CACNA1E: variants seen among roughly 807,000 people sequenced by gnomAD.
CACNA1E encodes the protein calcium voltage-gated channel subunit alpha1 E.
CACNA1E carries 40 observed loss-of-function variants against 259.2 expected under a neutral mutation model. The observed-to-expected ratio is 0.15, with a 90% CI of 0.12 to 0.20. The LOEUF (loss-of-function observed/expected upper bound fraction) is 0.20. Ranked by LOEUF, CACNA1E falls within the 10% of genes least tolerant of loss-of-function variation. The pLI, the probability that CACNA1E is intolerant of heterozygous loss-of-function variation, is 1.00. For synonymous variants in CACNA1E, 1,104 were observed against 1,138.5 expected, an observed-to-expected ratio of 0.97 and a Z score of 0.61; for missense variants, 1,874 against 3,040.1, an observed-to-expected ratio of 0.62 and a Z score of 9.02.
intron 25 of CACNA1E, among the ~76,000 whole-genome samples, chr1:181,741,872 G>A (rs1021787462): frequency 1.3e-5 from 2 of 152,212 alleles, no homozygotes; most frequent in African/African-American, 2.4e-5. Flanking sequence ...GAACCCCCTC[G>A]TTCTGGGGTC....
intron 1 of CACNA1E, among the ~76,000 whole-genome samples, chr1:181,345,359 T>G (rs555707221): frequency 3.9e-5 from 6 of 152,220 alleles, no homozygotes; most frequent in Non-Finnish European, 8.8e-5. Context: ...CAGGAAACAC[T>G]GGCGGATGAA....
At chr1:181,575,504 A>G (rs934963618) in intron 3 of CACNA1E, among the ~76,000 whole-genome samples, 19 of 151,744 alleles carry the variant, frequency 1.3e-4, no homozygotes, top group African/African-American at 4.4e-4. Flanking sequence ...CTCTTCTATC[A>G]TCTTATTCTT....
intron 1 of CACNA1E, among the ~76,000 whole-genome samples, chr1:181,496,573 G>T (rs1664772724): frequency 6.6e-6 from 1 of 152,210 alleles, no homozygotes; most frequent in East Asian, 1.9e-4. Flanking sequence ...TGTGGAGGAA[G>T]CTTCTGAAAG....
chr1:181,758,976 C>A lies in CACNA1E; in HGVS notation c.4605+108C>A. ...TACTGCTATTCCAGAAATCACCCAC[C>A]TAGATGTGGGCTCGTTTTGACTGCT... On this transcript the variant is annotated intron_variant, in intron 32 of 47. Coordinates refer to ENST00000367573, the MANE Select transcript of CACNA1E (RefSeq NM_001205293.3). This position sits in a 1 kb window ranked among gnomAD's most constrained non-coding sequence, Gnocchi z 4.2. 1 of 675,956 alleles carries A rather than the reference C, an allele frequency of 1.5e-6. No individual in the cohort carries two copies. The highest frequency in any genetic ancestry group is 2.6e-6 in the Non-Finnish European group (1 of 378,380). 41.9% of individuals were successfully genotyped at this position (675,956 alleles called of 1,614,324 possible).
intron 1 of CACNA1E, among the ~76,000 whole-genome samples, chr1:181,488,555 C>T (rs1273259916): frequency 6.6e-6 from 1 of 152,140 alleles, no homozygotes. Flanking sequence ...ATGTGGAAAC[C>T]AGGCCATGAC....
rs12091267 is a variant in CACNA1E, at chr1:181,584,025, C to T, written c.951+3249C>T. ...CAAATGTTACTGTGGCTCGCTAACC[C>T]TCTTCACCTGGGCTGGAGGTGGCTG... On this transcript the variant is annotated intron_variant, in intron 6 of 47. Coordinates refer to ENST00000367573, the MANE Select transcript of CACNA1E (RefSeq NM_001205293.3). 9.9e-3 allele frequency among the ~76,000 whole-genome samples: 1,512 copies of T among 152,272 alleles called. 34 individuals are homozygous for T. Among genetic ancestry groups the T allele is most frequent in the African/African-American group, 0.035 (1,444 of 41,538 alleles).
chr1:181,762,105 C>T (rs1401227846), intron 32 of CACNA1E, among the ~76,000 whole-genome samples: 1 of 152,092 alleles, frequency 6.6e-6, no homozygotes, highest in African/African-American at 2.4e-5. Flanking sequence ...TTTTATAGGG[C>T]ACTTGACGCA....
At position 181,342,733 on chromosome 1, in the gene CACNA1E, G is replaced by A. The variant is rs1030181561; in HGVS notation, c.-15+24610G>A. 1.4e-4 allele frequency among the ~76,000 whole-genome samples: 21 copies of A among 152,188 alleles called. 1 individual carries two copies. The highest frequency in any genetic ancestry group is 7.9e-4 in the Admixed American group (12 of 15,280). ...TCAAAGAAGTGCTTACCTCGAAAGCGTGGATAGTGGTTGTCTTTGGCAGAG... is the reference window on the plus strand; with the variant it reads ...TCAAAGAAGTGCTTACCTCGAAAGCATGGATAGTGGTTGTCTTTGGCAGAG... On this transcript the variant is annotated intron_variant, in intron 1 of 11. Transcript: ENST00000524607.
chr1:181,637,693 A>C (rs1657366873), intron 6 of CACNA1E, among the ~76,000 whole-genome samples: 1 of 152,184 alleles, frequency 6.6e-6, no homozygotes, highest in African/African-American at 2.4e-5. Context: ...CAAATATTGT[A>C]GAAGTGAACA....
At chr1:181,348,151 C>G (rs1652755956) in intron 1 of CACNA1E, among the ~76,000 whole-genome samples, 1 of 151,406 alleles carries the variant, frequency 6.6e-6, no homozygotes, top group African/African-American at 2.4e-5. Flanking sequence ...CCAGTTGCAG[C>G]TCAGCACAGA....
At chr1:181,319,212 T>A (rs1650158114) in intron 1 of CACNA1E, among the ~76,000 whole-genome samples, 4 of 152,162 alleles carry the variant, frequency 2.6e-5, no homozygotes, top group Admixed American at 2.6e-4. Flanking sequence ...AGAATCACAC[T>A]GTGTCATAGA....
chr1:181,564,332 A>G (rs973853212), intron 3 of CACNA1E, among the ~76,000 whole-genome samples: 2 of 152,206 alleles, frequency 1.3e-5, no homozygotes, highest in Non-Finnish European at 2.9e-5. Flanking sequence ...CATTTTAACA[A>G]TGTTCACAGC....
intron 1 of CACNA1E, among the ~76,000 whole-genome samples, chr1:181,338,562 C>G (rs530021786): frequency 1.1e-3 from 164 of 143,980 alleles, no homozygotes; most frequent in African/African-American, 4.0e-3. Context: ...AATATTAACT[C>G]TTTGTCAGAT....
At chr1:181,421,404 G>A (rs1234894576) in intron 2 of CACNA1E, among the ~76,000 whole-genome samples, 2 of 152,118 alleles carry the variant, frequency 1.3e-5, no homozygotes, top group East Asian at 1.9e-4. Flanking sequence ...GTTATTCTGG[G>A]CCTCTTCTCT....
intron 3 of CACNA1E, among the ~76,000 whole-genome samples, chr1:181,574,470 C>A (rs1650740286): frequency 6.6e-6 from 1 of 152,176 alleles, no homozygotes; most frequent in Non-Finnish European, 1.5e-5. Context: ...TCTGCTTCAA[C>A]AAATTTATTA....
intron 1 of CACNA1E, among the ~76,000 whole-genome samples, chr1:181,318,447 AGCATCCC>A (rs917189934): frequency 2.6e-5 from 4 of 152,186 alleles, no homozygotes; most frequent in Non-Finnish European, 5.9e-5. Flanking sequence ...CGCTCAGGGC[AGCATCCC>A]GCTCGAGGAT....
chr1:181,633,382 AT>A (rs1656923081), intron 6 of CACNA1E, among the ~76,000 whole-genome samples: 1 of 152,136 alleles, frequency 6.6e-6, no homozygotes, highest in South Asian at 2.1e-4. Context: ...ACTGTTTCCG[AT>A]TCATGCAATG....
intron 3 of CACNA1E, among the ~76,000 whole-genome samples, chr1:181,556,533 G>T (rs1356183567): frequency 6.6e-6 from 1 of 152,200 alleles, no homozygotes. Context: ...GTCTCCCTGG[G>T]TAGCACATCC....
chr1:181,323,251 A>G (rs944224745), intron 1 of CACNA1E, among the ~76,000 whole-genome samples: 3 of 152,196 alleles, frequency 2.0e-5, no homozygotes, highest in Non-Finnish European at 4.4e-5. Flanking sequence ...TCTTTCTCTT[A>G]AGTGATTGGT....
Sources: allele counts gnomAD v4.1 joint callset (sites outside exome capture counted in the v4.1 genomes callset), GRCh38; gene constraint gnomAD v4.1.1; non-coding constraint Gnocchi (gnomAD v3.1); transcripts MANE v1.5; gene names NCBI Gene and HGNC (gene_info 2026-07-23, HGNC 2026-07-21).